The following PCDHA6 variants were observed in gnomAD, a reference collection of about 807,000 sequenced individuals.
PCDHA6 encodes protocadherin alpha 6.
PCDHA6 carries 55 observed loss-of-function variants against 60.3 expected under a neutral mutation model. The ratio of observed to expected loss-of-function variants is 0.91; its 90% CI spans 0.73 to 1.14. PCDHA6 has a LOEUF of 1.14. Ranked by LOEUF, PCDHA6 falls within the 50% of genes most tolerant of loss-of-function variation. The pLI is 0.00. For missense variants in PCDHA6, 1,327 were observed against 1,256.5 expected (o/e 1.06, Z -0.85); for synonymous variants, 652 against 557.9 (o/e 1.17, Z -2.38).
At chr5:140,858,299 C>A in intron 1 of PCDHA6, 1 of 1,597,210 alleles carries the variant, frequency 6.3e-7, no homozygotes, top group Non-Finnish European at 8.6e-7. Flanking sequence ...TTACTCGCAG[C>A]AGAGGCGGCA....
chr5:140,928,368 A>G, intron 1 of PCDHA6: 3 of 1,614,212 alleles, frequency 1.9e-6, no homozygotes, highest in Non-Finnish European at 2.5e-6. Context: ...CTGAAGGGCC[A>G]TCAGCCTCTA....
chr5:140,858,054 T>G, intron 1 of PCDHA6: 2 of 1,597,316 alleles, frequency 1.3e-6, no homozygotes, highest in South Asian at 2.2e-5. Flanking sequence ...GTGTCGCTTG[T>G]GGAGGGCAGC....
chr5:140,870,149 T>G (rs2051707862), intron 1 of PCDHA6: 2 of 1,613,952 alleles, frequency 1.2e-6, no homozygotes, highest in Non-Finnish European at 8.5e-7. Context: ...TCTCCTGAAG[T>G]CGCCGTGACT....
chr5:140,849,023 G>C (rs2150428994), intron 1 of PCDHA6: 1 of 1,586,580 alleles, frequency 6.3e-7, no homozygotes, highest in East Asian at 2.2e-5. Flanking sequence ...GCCCCAATGA[G>C]TATTTCTTCC....
chr5:141,011,104 C>A lies in PCDHA6; in HGVS notation c.*1167C>A, dbSNP rs1396728499. On this transcript the variant is annotated 3_prime_UTR_variant, in exon 4 of 4. Transcript: ENST00000529310. ...GATCTCTCTTTCTCTCTCTCTCTCT[C>A]TTTTCTAAGAAACAATTATGTGCAC... is the stretch of plus-strand genomic sequence containing the variant. 6.5e-6 allele frequency: 1 copy of A among 153,726 alleles called. No individual in the cohort carries two copies. The highest frequency in any genetic ancestry group is 1.5e-5 in the Non-Finnish European group (1 of 68,028). The allele number at this position is 153,726 out of a possible 1,614,324, so 9.5% of individuals were successfully genotyped here. A position where few individuals can be genotyped will look rare whatever the true frequency, so the allele number is the denominator to read the frequency against.
intron 1 of PCDHA6, chr5:140,869,566 G>C (rs782325882): frequency 6.2e-7 from 1 of 1,614,178 alleles, no homozygotes; most frequent in Middle Eastern, 1.6e-4. Context: ...TTTTCCACTA[G>C]AGGGAGCTTC....
chr5:140,842,001 A>G (rs1475257095), intron 1 of PCDHA6: 1 of 1,613,730 alleles, frequency 6.2e-7, no homozygotes, highest in African/African-American at 1.3e-5. Context: ...GGCACTGTTC[A>G]GCTGCTGGTC....
intron 1 of PCDHA6, chr5:140,861,441 C>A: frequency 2.0e-6 from 1 of 493,506 alleles, no homozygotes; most frequent in Non-Finnish European, 4.2e-6. Context: ...TTCCAAAAGC[C>A]GCAGAAACCT....
chr5:140,863,670 C>A (rs2048115377), intron 1 of PCDHA6: 1 of 292,680 alleles, frequency 3.4e-6, no homozygotes, highest in Admixed American at 4.6e-5. Context: ...ATTTATTTTG[C>A]TTTTGCTTTT....
chr5:140,871,674 A>G (rs1582053798), intron 1 of PCDHA6: 3 of 1,137,860 alleles, frequency 2.6e-6, no homozygotes, highest in Non-Finnish European at 3.6e-6. Context: ...TCTTTTAATC[A>G]TATGAATAAT....
chr5:140,916,733 A>G (rs1242424937), intron 1 of PCDHA6, among the ~76,000 whole-genome samples: 1 of 152,146 alleles, frequency 6.6e-6, no homozygotes, highest in Non-Finnish European at 1.5e-5. Flanking sequence ...TTGTTGCTGC[A>G]AGCTTCACTG....
chr5:140,882,720 G>T, intron 1 of PCDHA6: 2 of 1,614,198 alleles, frequency 1.2e-6, no homozygotes, highest in Non-Finnish European at 1.7e-6. Context: ...CCGGAAACTC[G>T]ATTTCCACTA....
chr5:140,960,253 G>A (rs1554224599), intron 1 of PCDHA6, among the ~76,000 whole-genome samples: 1 of 152,178 alleles, frequency 6.6e-6, no homozygotes, highest in African/African-American at 2.4e-5. Context: ...GCTTCCTGGA[G>A]CTTCTGATAA....
At chr5:140,977,301 G>T (rs1478869150) in intron 1 of PCDHA6, among the ~76,000 whole-genome samples, 1 of 152,208 alleles carries the variant, frequency 6.6e-6, no homozygotes, top group Non-Finnish European at 1.5e-5. Context: ...CAGCTGACAA[G>T]CTAACGATAG....
Position 140,835,250 on chromosome 5 carries a change from A to G in PCDHA6, c.2394+4765A>G, listed in dbSNP as rs1313960035. 30 of 1,605,300 alleles carry G rather than the reference A, an allele frequency of 1.9e-5. No individual in the cohort carries two copies. In the African/African-American group the frequency reaches 3.1e-4, roughly 17 times the overall value. ...TCTCCAGTGATGTTTCTCCAGATAT[A>G]AAATCCAAGTTCCACATGGACCCCT... On this transcript the variant is annotated intron_variant, in intron 1 of 3. Transcript: ENST00000529310.
At chr5:140,877,189 G>T (rs370743077) in intron 1 of PCDHA6, 3 of 1,613,808 alleles carry the variant, frequency 1.9e-6, no homozygotes, top group Admixed American at 1.7e-5. Context: ...GGCTGGCAGC[G>T]CAGGAGGCGC....
intron 1 of PCDHA6, among the ~76,000 whole-genome samples, chr5:140,838,070 T>C (rs1392729176): frequency 1.6e-5 from 2 of 127,666 alleles, no homozygotes; most frequent in Admixed American, 1.8e-4. Flanking sequence ...TTAAGTTATA[T>C]ATATATAGTG....
intron 1 of PCDHA6, chr5:140,836,934 A>G (rs904378131): frequency 1.9e-5 from 9 of 477,852 alleles, no homozygotes; most frequent in Non-Finnish European, 2.9e-5. Context: ...GCGTAATACT[A>G]TAGATCAAAA....
At chr5:141,008,356 A>G (rs1440951671) in intron 3 of PCDHA6, among the ~76,000 whole-genome samples, 1 of 152,204 alleles carries the variant, frequency 6.6e-6, no homozygotes, top group Non-Finnish European at 1.5e-5. Context: ...CGTGTCAACC[A>G]AAGGAGCAGT....
Sources: gnomAD v4.1 joint callset for allele counts (sites outside exome capture counted in the v4.1 genomes callset) on GRCh38, gnomAD v4.1.1 for gene constraint, MANE v1.5 for transcripts, NCBI Gene and HGNC (gene_info 2026-07-23, HGNC 2026-07-21) for gene names.